Variants in TMEM45B observed in about 807,000 individuals in gnomAD.
The protein encoded by TMEM45B is transmembrane protein 45B.
Under a neutral mutation model 27.3 loss-of-function variants are expected in TMEM45B, and 29 were observed. The ratio of observed to expected loss-of-function variants is 1.06; its 90% confidence interval spans 0.79 to 1.45. The LOEUF (loss-of-function observed/expected upper bound fraction) is 1.45. Ranked by LOEUF, TMEM45B falls within the 40% of genes most tolerant of loss-of-function variation. The pLI is 0.00. For missense variants in TMEM45B, 348 were observed against 343.9 expected, an observed-to-expected ratio of 1.01 and a Z score of -0.09; for synonymous variants, 143 against 134.7, an observed-to-expected ratio of 1.06 and a Z score of -0.43.
chr11:129,827,961 C>A (rs367562602), intron 1 of TMEM45B, among the ~76,000 whole-genome samples: 3 of 152,196 alleles, frequency 2.0e-5, no homozygotes, highest in Admixed American at 6.5e-5. Context: ...TAGAGTGAGA[C>A]CTTGTCTCAA....
intron 1 of TMEM45B, among the ~76,000 whole-genome samples, chr11:129,850,058 T>C (rs56234152): frequency 0.19 from 29,107 of 152,102 alleles, 3,121 homozygotes; most frequent in African/African-American, 0.28. Context: ...TTTTCTCTTT[T>C]TCATGGCTAG....
At position 129,815,860 on chromosome 11, in the gene TMEM45B, C is replaced by T; in HGVS notation, c.-47C>T. 1 of 1,306,500 alleles carries T rather than the reference C, an allele frequency of 7.7e-7. No individual in the cohort carries two copies. The highest frequency in any genetic ancestry group is 2.5e-5 in the South Asian group (1 of 39,426). The allele number at this position is 1,306,500 out of a possible 1,614,324, so 80.9% of individuals were successfully genotyped here. A position where few individuals can be genotyped will look rare whatever the true frequency, so the allele number is the denominator to read the frequency against. On this transcript the variant is annotated 5_prime_UTR_variant, in exon 1 of 6. Transcript: ENST00000281441. ...CTTCTGGGCGGACGCACTTGGCGCG[C>T]GGCGCGGGCTGCAGACGGCTGCGAG...
intron 1 of TMEM45B, among the ~76,000 whole-genome samples, chr11:129,851,261 C>T (rs1033225211): frequency 6.6e-6 from 1 of 151,910 alleles, no homozygotes; most frequent in African/African-American, 2.4e-5. Flanking sequence ...GTCCTCTTCT[C>T]GGCCGGGTGT....
At chr11:129,821,254 A>G (rs933820891) in intron 1 of TMEM45B, among the ~76,000 whole-genome samples, 1 of 152,110 alleles carries the variant, frequency 6.6e-6, no homozygotes, top group African/African-American at 2.4e-5. Context: ...AAGGAAACTC[A>G]TGGGGGCCCT....
At chr11:129,854,947 C>T (rs1254375344) in intron 3 of TMEM45B, 131 bp downstream of exon 3, 10 of 1,060,818 alleles carry the variant, frequency 9.4e-6, no homozygotes, top group Non-Finnish European at 1.4e-5. Context: ...TCTGGACTGC[C>T]AAAACCTGAA....
chr11:129,858,466 A>T (rs552910340), intron 5 of TMEM45B, 108 bp from the exon 6 acceptor site: 18 of 694,084 alleles, frequency 2.6e-5, no homozygotes, highest in Non-Finnish European at 4.3e-5. Context: ...ACAGTATTTG[A>T]TAGAAATATA....
intron 5 of TMEM45B, among the ~76,000 whole-genome samples, 198 bp from the exon 6 acceptor site, chr11:129,858,376 G>T (rs1253208743): frequency 6.6e-6 from 1 of 152,182 alleles, no homozygotes; most frequent in Admixed American, 6.5e-5. Context: ...CCTCAATTAT[G>T]ACATTCAGTA....
At chr11:129,836,826 C>T (rs912095253) in intron 1 of TMEM45B, among the ~76,000 whole-genome samples, 3 of 152,154 alleles carry the variant, frequency 2.0e-5, no homozygotes, top group African/African-American at 2.4e-5. Flanking sequence ...AATGAAATAC[C>T]ATTCAGCCAT....
At chr11:129,834,000 G>T (rs1224125733) in intron 1 of TMEM45B, among the ~76,000 whole-genome samples, 2 of 152,210 alleles carry the variant, frequency 1.3e-5, no homozygotes, top group African/African-American at 4.8e-5. Context: ...CTGGCAACCA[G>T]TACAGATTTG....
intron 1 of TMEM45B, chr11:129,850,543 A>G (rs1404360121): frequency 6.6e-6 from 1 of 152,212 alleles, no homozygotes; most frequent in African/African-American, 2.4e-5. Context: ...TCTGCCAAAT[A>G]TCCTAGGTCA....
At chr11:129,858,529 A>T in intron 5 of TMEM45B, 45 bp from the exon 6 acceptor site, 1 of 1,408,506 alleles carries the variant, frequency 7.1e-7, no homozygotes. Context: ...GTAATGGATT[A>T]AGGGAATCTC....
chr11:129,821,512 C>T (rs147474127), intron 1 of TMEM45B, among the ~76,000 whole-genome samples: 2,487 of 152,052 alleles, frequency 0.016, 39 homozygotes, highest in Non-Finnish European at 0.025. Context: ...TGTAATTTTA[C>T]GCCTTTTTCT....
At position 129,852,580 on chromosome 11, in the gene TMEM45B, C is replaced by T. The variant is rs931153000; in HGVS notation, c.98C>T (p.Thr33Met). The T allele has an allele frequency of 1.1e-5, 17 of 1,613,808 alleles. No individual in the cohort carries two copies. In the African/African-American group the frequency reaches 1.1e-4, roughly 10 times the overall value. ...VKYPLKYFSHTRKNSPLHYYQ... is the reference protein window; with the variant it reads ...VKYPLKYFSHMRKNSPLHYYQ... ...TACCCGCTGAAGTACTTTAGCCACA[C>T]GCGGAAGAACAGCCCACTACATTAC... Residue 33 changes from threonine (T) to methionine (M), a missense_variant, in exon 2 of 6, where the codon ACG becomes ATG. Transcript: ENST00000281441.
chr11:129,839,507 G>A (rs1947664419), intron 1 of TMEM45B, among the ~76,000 whole-genome samples: 2 of 152,112 alleles, frequency 1.3e-5, no homozygotes, highest in Admixed American at 1.3e-4. Context: ...AGAAAGTTGG[G>A]GAATTTGCCT....
At position 129,857,633 on chromosome 11, in the gene TMEM45B, T is replaced by C. The variant is rs149242799; in HGVS notation, c.716+175T>C. Among the ~76,000 whole-genome samples, 26 of 152,234 alleles carry C rather than the reference T, an allele frequency of 1.7e-4. No homozygotes were observed. In the East Asian group the frequency reaches 4.4e-3, roughly 26 times the overall value. Reference sequence around the variant, plus strand: ...ACAAGGGGAATGAGGCTTTTCAAAGTTTAATGACCTGAGGGCTTTTCAAAG... The same window carrying C: ...ACAAGGGGAATGAGGCTTTTCAAAGCTTAATGACCTGAGGGCTTTTCAAAG... On this transcript the variant is annotated intron_variant, in intron 5 of 5. Coordinates refer to ENST00000281441, the MANE Select transcript of TMEM45B (RefSeq NM_138788.5).
At chr11:129,815,984 G>A in intron 1 of TMEM45B, 86 bp downstream of exon 1, 1 of 1,248,060 alleles carries the variant, frequency 8.0e-7, no homozygotes, top group East Asian at 3.1e-5. Context: ...GGGCTGTGAT[G>A]GAGAGGAGGT....
intron 1 of TMEM45B, among the ~76,000 whole-genome samples, chr11:129,823,927 G>C (rs534032527): frequency 4.6e-5 from 7 of 152,072 alleles, no homozygotes; most frequent in Non-Finnish European, 8.8e-5. Context: ...CCTGCACTTT[G>C]ATCCAGAGCT....
At chr11:129,820,878 C>A (rs1200751266) in intron 1 of TMEM45B, among the ~76,000 whole-genome samples, 1 of 152,034 alleles carries the variant, frequency 6.6e-6, no homozygotes, top group Non-Finnish European at 1.5e-5. Context: ...TTGTGTTTTT[C>A]TGATATTACC....
intron 1 of TMEM45B, among the ~76,000 whole-genome samples, chr11:129,845,170 T>C (rs187962262): frequency 2.0e-5 from 3 of 152,326 alleles, no homozygotes; most frequent in Non-Finnish European, 4.4e-5. Context: ...ATATGATATG[T>C]ACATATATGT....
Sources: allele counts gnomAD v4.1 joint callset (sites outside exome capture counted in the v4.1 genomes callset), GRCh38; gene constraint gnomAD v4.1.1; transcripts MANE v1.5; gene names NCBI Gene and HGNC (gene_info 2026-07-23, HGNC 2026-07-21).